CCDC91: variants seen among roughly 807,000 people sequenced by gnomAD.
CCDC91 encodes the protein coiled-coil domain containing 91, also known as coiled-coil domain-containing protein 91.
A neutral mutation model predicts 63.2 loss-of-function variants in CCDC91; 48 were observed. The observed-to-expected ratio is 0.76, with a 90% confidence interval of 0.60 to 0.97. CCDC91 has a LOEUF of 0.97. Ranked by LOEUF, CCDC91 falls within the 50% of genes least tolerant of loss-of-function variation. The pLI is 0.00. For missense variants in CCDC91, 500 were observed against 494.6 expected (o/e 1.01, Z -0.10); for synonymous variants, 167 against 165.8 (o/e 1.01, Z -0.06).
At chr12:28,329,793 A>C (rs368407009) in intron 6 of CCDC91, among the ~76,000 whole-genome samples, 1 of 151,914 alleles carries the variant, frequency 6.6e-6, no homozygotes, top group Admixed American at 6.6e-5. Flanking sequence ...AGGCCCCAGT[A>C]TGTGATGTTC....
At chr12:28,343,967 G>GA (rs1295129857) in intron 6 of CCDC91, among the ~76,000 whole-genome samples, 1 of 151,986 alleles carries the variant, frequency 6.6e-6, no homozygotes, top group Non-Finnish European at 1.5e-5. Flanking sequence ...AGGAGAGAGA[G>GA]AAAAATAGCA....
At chr12:28,202,381 G>A (rs1357021947) in intron 1 of CCDC91, among the ~76,000 whole-genome samples, 6 of 152,124 alleles carry the variant, frequency 3.9e-5, no homozygotes, top group Non-Finnish European at 5.9e-5. Context: ...ATCTAATGTG[G>A]TAACTCTGGA....
chr12:28,237,235 T>TAAACACACACACACAC (rs1555163662), intron 1 of CCDC91, among the ~76,000 whole-genome samples: 1 of 143,024 alleles, frequency 7.0e-6, no homozygotes, highest in African/African-American at 2.6e-5. Flanking sequence ...GTATTACACA[T>TAAACACACACACACAC]ACACACACAC....
chr12:28,397,852 A>G (rs1442501358), intron 8 of CCDC91, among the ~76,000 whole-genome samples: 5 of 152,118 alleles, frequency 3.3e-5, no homozygotes, highest in Admixed American at 3.3e-4. Flanking sequence ...ATCTTTTATT[A>G]AAAAAGAAAA....
chr12:28,199,725 G>A (rs1376410775), intron 1 of CCDC91, among the ~76,000 whole-genome samples: 1 of 152,200 alleles, frequency 6.6e-6, no homozygotes, highest in Non-Finnish European at 1.5e-5. Flanking sequence ...AGAATTCTTA[G>A]TTGGCAGTCT....
chr12:28,376,750 A>C (rs1463178745), intron 7 of CCDC91, among the ~76,000 whole-genome samples: 2 of 151,812 alleles, frequency 1.3e-5, no homozygotes, highest in Non-Finnish European at 3.0e-5. Flanking sequence ...ACATCTATTC[A>C]GTTAATAAGG....
At position 28,511,077 on chromosome 12, in the gene CCDC91, C is replaced by A. The variant is rs549171583; in HGVS notation, c.1215+26912C>A. Among the ~76,000 whole-genome samples, 3 of 152,018 alleles carry A rather than the reference C, an allele frequency of 2.0e-5. No individual in the cohort carries two copies. The South Asian group carries it at 6.2e-4, about 32-fold the overall frequency. On this transcript the variant is annotated intron_variant, in intron 12 of 12. Coordinates refer to ENST00000536442, the MANE Select transcript of CCDC91 (RefSeq NM_018318.5). Reference sequence around the variant, plus strand: ...AATTCTAAGTTCATCAGCTTACCACCTTTCTTCACTGTATCCCCTGTAGCC... The same window carrying A: ...AATTCTAAGTTCATCAGCTTACCACATTTCTTCACTGTATCCCCTGTAGCC...
chr12:28,398,970 GACAA>G (rs1406787941), intron 8 of CCDC91, among the ~76,000 whole-genome samples: 5 of 151,952 alleles, frequency 3.3e-5, no homozygotes, highest in South Asian at 2.1e-4. Flanking sequence ...GGTATCATTA[GACAA>G]ACAAAGCTTT....
At chr12:28,301,856 A>G (rs992004251) in intron 3 of CCDC91, among the ~76,000 whole-genome samples, 1 of 151,618 alleles carries the variant, frequency 6.6e-6, no homozygotes, top group Non-Finnish European at 1.5e-5. Flanking sequence ...GAAGAGCCTT[A>G]TTGCTTACTA....
chr12:28,214,204 C>G (rs1477996623), intron 1 of CCDC91, among the ~76,000 whole-genome samples: 1 of 152,160 alleles, frequency 6.6e-6, no homozygotes, highest in African/African-American at 2.4e-5. Context: ...CTCCTCATAT[C>G]TCTGAATCAA....
intron 1 of CCDC91, among the ~76,000 whole-genome samples, chr12:28,213,680 G>C (rs1943386569): frequency 6.6e-6 from 1 of 152,164 alleles, no homozygotes; most frequent in Non-Finnish European, 1.5e-5. Context: ...TGGATTTAAA[G>C]AATACCTTAT....
At chr12:28,541,758 T>C (rs551089777) in intron 12 of CCDC91, among the ~76,000 whole-genome samples, 4 of 152,172 alleles carry the variant, frequency 2.6e-5, no homozygotes, top group Admixed American at 2.0e-4. Flanking sequence ...GTAATCAAAT[T>C]AGGTTGAAAA....
At chr12:28,458,455 C>CTTTT (rs60083355) in intron 11 of CCDC91, among the ~76,000 whole-genome samples, 500 of 45,798 alleles carry the variant, frequency 0.011, 126 homozygotes, top group East Asian at 0.11. Flanking sequence ...ATTTGCACAC[C>CTTTT]TTTTTTTTTT....
At chr12:28,380,043 A>G (rs996484595) in intron 7 of CCDC91, among the ~76,000 whole-genome samples, 2 of 152,202 alleles carry the variant, frequency 1.3e-5, no homozygotes, top group African/African-American at 4.8e-5. Context: ...ATGAAGCTGG[A>G]AACCATCATT....
intron 6 of CCDC91, among the ~76,000 whole-genome samples, chr12:28,346,875 G>T (rs1453353692): frequency 3.3e-5 from 5 of 152,158 alleles, no homozygotes; most frequent in Admixed American, 6.5e-5. Context: ...TGGGGGACGG[G>T]ACTGAATGTC....
Position 28,254,611 on chromosome 12 carries a change from C to T in CCDC91, c.-14-2591C>T, listed in dbSNP as rs541028551. ...TTTCTTTTCTCCTATTTAAAATGCT[C>T]AGAAGTAAACTATTGCAGGAATTGA... On this transcript the variant is annotated intron_variant, in intron 1 of 12. Transcript: ENST00000536442. Among the ~76,000 whole-genome samples, 13 of 152,058 alleles carry T rather than the reference C, an allele frequency of 8.5e-5. No homozygotes were observed. The South Asian group carries it at 2.7e-3, about 32-fold the overall frequency.
intron 7 of CCDC91, among the ~76,000 whole-genome samples, chr12:28,365,306 C>G (rs1266746871): frequency 1.3e-5 from 2 of 152,068 alleles, no homozygotes; most frequent in African/African-American, 2.4e-5. Flanking sequence ...TCCTTAGTTA[C>G]CAGTATTGAA....
intron 8 of CCDC91, among the ~76,000 whole-genome samples, chr12:28,422,251 G>A (rs908096132): frequency 1.3e-5 from 2 of 151,902 alleles, no homozygotes; most frequent in African/African-American, 4.8e-5. Context: ...AATTCAAGTG[G>A]AATTTATCCA....
At chr12:28,365,699 G>T (rs1390555659) in intron 7 of CCDC91, among the ~76,000 whole-genome samples, 1 of 152,114 alleles carries the variant, frequency 6.6e-6, no homozygotes, top group East Asian at 1.9e-4. Flanking sequence ...GTTTCAGTGG[G>T]ATATAATTCC....
Sources: gnomAD v4.1 joint callset for allele counts (sites outside exome capture counted in the v4.1 genomes callset) on GRCh38, gnomAD v4.1.1 for gene constraint, MANE v1.5 for transcripts, NCBI Gene and HGNC (gene_info 2026-07-23, HGNC 2026-07-21) for gene names.